GRXCR2: variants seen among roughly 807,000 people sequenced by gnomAD.
The protein encoded by GRXCR2 is glutaredoxin domain-containing cysteine-rich protein 2.
A neutral mutation model predicts 24.8 loss-of-function variants in GRXCR2; 23 were observed. The ratio of observed to expected loss-of-function variants is 0.93; its 90% CI spans 0.67 to 1.32. The LOEUF (loss-of-function observed/expected upper bound fraction) is 1.32. GRXCR2 is among the 40% of genes most tolerant of loss of function. The pLI is 0.00. For synonymous variants in GRXCR2, 130 were observed against 116.1 expected, an observed-to-expected ratio of 1.12 and a Z score of -0.77; for missense variants, 315 against 303.4, an observed-to-expected ratio of 1.04 and a Z score of -0.28.
intron 2 of GRXCR2, among the ~76,000 whole-genome samples, chr5:145,900,333 TC>T (rs1757007940): frequency 6.6e-6 from 1 of 152,154 alleles, no homozygotes; most frequent in African/African-American, 2.4e-5. Flanking sequence ...CTCTTTGCCT[TC>T]CACCATGATT....
intron 2 of GRXCR2, among the ~76,000 whole-genome samples, chr5:145,881,214 C>A (rs182370150): frequency 6.6e-6 from 1 of 152,250 alleles, no homozygotes; most frequent in African/African-American, 2.4e-5. Flanking sequence ...AAAGGGTATT[C>A]AATTAGGAAA....
At position 145,931,094 on chromosome 5, in the gene GRXCR2, C is replaced by T. The variant is rs144222191; in HGVS notation, c.-70+4607G>A. Among the ~76,000 whole-genome samples, 1,336 of 152,214 alleles carry T rather than the reference C, an allele frequency of 8.8e-3. 13 individuals are homozygous for T. The highest frequency in any genetic ancestry group is 0.03 in the African/African-American group (1,245 of 41,510). ...TCACCCAGGCTGGAGTGCAGTGGTG[C>T]GATCTCAGTTCACTGCAGCCTCAAC... On this transcript the variant is annotated intron_variant, in intron 2 of 3. Coordinates refer to the GRXCR2 transcript ENST00000639411.
chr5:145,862,007 T>C (rs1581327997), intron 2 of GRXCR2, among the ~76,000 whole-genome samples: 1 of 152,206 alleles, frequency 6.6e-6, no homozygotes, highest in Non-Finnish European at 1.5e-5. Flanking sequence ...TTTTAGTATA[T>C]TAACAATGGA....
chr5:145,868,416 T>C (rs1756470665), intron 1 of GRXCR2, among the ~76,000 whole-genome samples: 1 of 151,960 alleles, frequency 6.6e-6, no homozygotes, highest in Admixed American at 6.6e-5. Flanking sequence ...ACCCATGGAG[T>C]TTTCAATAAT....
intron 2 of GRXCR2, among the ~76,000 whole-genome samples, chr5:145,903,497 C>G (rs1047293044): frequency 6.7e-6 from 1 of 149,236 alleles, no homozygotes; most frequent in Non-Finnish European, 1.5e-5. Context: ...CAAAACATTG[C>G]AGCGCTGTGG....
intron 2 of GRXCR2, among the ~76,000 whole-genome samples, chr5:145,883,719 C>T (rs1388094033): frequency 6.6e-6 from 1 of 152,082 alleles, no homozygotes; most frequent in Admixed American, 6.6e-5. Flanking sequence ...TTGGTAAAAC[C>T]CCATCTCTAT....
At chr5:145,903,351 A>G (rs1757048575) in intron 2 of GRXCR2, among the ~76,000 whole-genome samples, 1 of 152,154 alleles carries the variant, frequency 6.6e-6, no homozygotes, top group South Asian at 2.1e-4. Context: ...TCTCTATTGG[A>G]GAAATCTAGA....
intron 2 of GRXCR2, among the ~76,000 whole-genome samples, chr5:145,862,236 G>A (rs1005346121): frequency 5.3e-5 from 8 of 152,064 alleles, no homozygotes; most frequent in Non-Finnish European, 7.4e-5. Flanking sequence ...TGCATAAAAC[G>A]CCAGATCAGA....
rs575830152 is a variant in GRXCR2 at position 145,882,660 on chromosome 5, T to A, written c.-69-15932A>T. ...CTAGAATTACCATTTGACCCAGCCA[T>A]CCCATTACTGGGTATATACCCAAAG... On this transcript the variant is annotated intron_variant, in intron 2 of 3. Coordinates refer to the GRXCR2 transcript ENST00000639411. Among the ~76,000 whole-genome samples, 462 of 152,244 alleles carry A rather than the reference T, an allele frequency of 3.0e-3. 3 individuals carry two copies. The highest frequency in any genetic ancestry group is 5.5e-3 in the Non-Finnish European group (372 of 68,010).
Position 145,859,668 on chromosome 5 carries a change from G to A in GRXCR2, c.*65C>T. The A allele has an allele frequency of 6.7e-7, 1 of 1,490,070 alleles. No individual in the cohort carries two copies. The highest frequency in any genetic ancestry group is 1.1e-5 in the South Asian group (1 of 86,990). 92.3% of individuals were successfully genotyped at this position (1,490,070 alleles called of 1,614,324 possible). On this transcript the variant is annotated 3_prime_UTR_variant, in exon 3 of 3. Coordinates refer to ENST00000377976, the MANE Select transcript of GRXCR2 (RefSeq NM_001080516.2). ...TTGGGAGAGGCAGGAGGAGGAGAAG[G>A]GGGCGGTTTATTAGAAATAACTTTA...
In GRXCR2 at chr5:145,879,551, G is replaced by A. The variant is rs112083451; in HGVS notation, c.-69-12823C>T. ...ATACAGGAACAACCAGATTGATAAA[G>A]CAAGTCCTTAGAGACGGACAAAGAG... On this transcript the variant is annotated intron_variant, in intron 2 of 3. Coordinates refer to the GRXCR2 transcript ENST00000639411. Among the ~76,000 whole-genome samples, 958 of 152,252 alleles carry A rather than the reference G, an allele frequency of 6.3e-3. 9 individuals carry two copies. Among genetic ancestry groups the A allele is most frequent in the African/African-American group, 0.022 (907 of 41,522 alleles).
chr5:145,867,237 T>C (rs1350834377), intron 1 of GRXCR2, among the ~76,000 whole-genome samples: 3 of 152,178 alleles, frequency 2.0e-5, no homozygotes, highest in African/African-American at 4.8e-5. Context: ...GCAGATGCTA[T>C]AGTTTCCACA....
At chr5:145,865,716 C>A (rs1756417787) in intron 2 of GRXCR2, among the ~76,000 whole-genome samples, 1 of 152,186 alleles carries the variant, frequency 6.6e-6, no homozygotes, top group Admixed American at 6.5e-5. Flanking sequence ...AGTGGATTTA[C>A]AAAGGATACT....
chr5:145,890,214 T>A (rs889080836), intron 2 of GRXCR2, among the ~76,000 whole-genome samples: 1 of 152,192 alleles, frequency 6.6e-6, no homozygotes, highest in African/African-American at 2.4e-5. Flanking sequence ...CTCAACCTCC[T>A]GAATACCTGG....
intron 2 of GRXCR2, among the ~76,000 whole-genome samples, chr5:145,862,794 A>C (rs1756362437): frequency 6.6e-6 from 1 of 152,206 alleles, no homozygotes; most frequent in African/African-American, 2.4e-5. Context: ...GATCTCTGGC[A>C]AGTTACTTAA....
chr5:145,893,965 C>G (rs1756909495), intron 2 of GRXCR2, among the ~76,000 whole-genome samples: 1 of 152,142 alleles, frequency 6.6e-6, no homozygotes, highest in Admixed American at 6.5e-5. Context: ...AACTAGAACT[C>G]AGGATTAAGA....
At chr5:145,899,419 A>T (rs1756995277) in intron 2 of GRXCR2, among the ~76,000 whole-genome samples, 1 of 152,208 alleles carries the variant, frequency 6.6e-6, no homozygotes, top group Non-Finnish European at 1.5e-5. Flanking sequence ...TCTAAAATTC[A>T]TATGGAATAA....
At chr5:145,879,711 A>G (rs1756671572) in intron 2 of GRXCR2, among the ~76,000 whole-genome samples, 1 of 152,224 alleles carries the variant, frequency 6.6e-6, no homozygotes, top group African/African-American at 2.4e-5. Flanking sequence ...CCTAATAGAC[A>G]TCTACAGAAC....
intron 2 of GRXCR2, among the ~76,000 whole-genome samples, chr5:145,904,476 C>T (rs1757064706): frequency 6.6e-6 from 1 of 152,178 alleles, no homozygotes; most frequent in African/African-American, 2.4e-5. Context: ...GAACACCTTC[C>T]TAACCCACTG....
Sources: allele counts gnomAD v4.1 joint callset (sites outside exome capture counted in the v4.1 genomes callset), GRCh38; gene constraint gnomAD v4.1.1; transcripts MANE v1.5; gene names NCBI Gene and HGNC (gene_info 2026-07-23, HGNC 2026-07-21).